KDM2A: variants seen among roughly 807,000 people sequenced by gnomAD.
The protein encoded by KDM2A is lysine-specific demethylase 2A.
KDM2A carries 3 observed loss-of-function variants against 137.3 expected under a neutral mutation model. That is an observed-to-expected ratio of 0.02 (90% confidence interval 0.01 to 0.06). The LOEUF (loss-of-function observed/expected upper bound fraction) is 0.06. Among genes scored for constraint, KDM2A ranks in the 10% least tolerant of loss-of-function variants. The pLI is 1.00. For synonymous variants in KDM2A, 512 were observed against 541.5 expected (o/e 0.95, Z 0.76); for missense variants, 738 against 1,510.6 (o/e 0.49, Z 8.48).
Position 67,254,931 on chromosome 11 carries a change from C to T in KDM2A, c.3365C>T (p.Thr1122Ile), listed in dbSNP as rs779620599. ...TACCTACGGCGCATTGCCAACGTCA[C>T]CTTGATCGACCTTCGAGGATGCAAG... is the stretch of plus-strand genomic sequence containing the variant. ...LIYLRRIANV[T>I]LIDLRGCKQI... Residue 1122 changes from threonine to isoleucine, a missense_variant, in exon 21 of 21, where the codon ACC (threonine) becomes ATC (isoleucine). Thr to Ile is a moderately conservative substitution (Grantham distance 89). Coordinates refer to ENST00000529006, the MANE Select transcript of KDM2A (RefSeq NM_012308.3). The surrounding 1 kb of genome is among the most constrained non-coding windows in gnomAD (Gnocchi z 4.7). The T allele has an allele frequency of 6.2e-7, 1 of 1,614,030 alleles. No homozygotes were observed.
At chr11:67,144,094 C>T (rs1283064528) in intron 2 of KDM2A, among the ~76,000 whole-genome samples, 3 of 151,336 alleles carry the variant, frequency 2.0e-5, no homozygotes, top group Admixed American at 6.6e-5. Flanking sequence ...AGGTGCTCTC[C>T]ACCACTCCTG....
intron 2 of KDM2A, among the ~76,000 whole-genome samples, chr11:67,149,526 A>T (rs1047357760): frequency 6.6e-6 from 1 of 152,062 alleles, no homozygotes; most frequent in Admixed American, 6.6e-5. Flanking sequence ...AATTTTACAG[A>T]TAAGGCTAAA....
Position 67,181,377 on chromosome 11 carries a change from A to C in KDM2A, c.239A>C (p.Asn80Thr), listed in dbSNP as rs775656106. 2 of 1,611,900 alleles carry C rather than the reference A, an allele frequency of 1.2e-6. No individual in the cohort carries two copies. Among genetic ancestry groups the C allele is most frequent in the Non-Finnish European group, 1.7e-6 (2 of 1,178,696 alleles). ...GGLRDPLIFK[N>T]SDGLGIKMPD... Reference sequence around the variant, plus strand: ...TTGAGAGATCCTCTGATTTTCAAGAATTCTGATGGACTCGGAATAAAGTAA... The same window carrying C: ...TTGAGAGATCCTCTGATTTTCAAGACTTCTGATGGACTCGGAATAAAGTAA... The change falls in exon 4 of 21, where the codon AAT (asparagine) becomes ACT (threonine). Residue 80 changes from asparagine to threonine, a missense_variant. Asn to Thr is a moderately conservative substitution (Grantham distance 65). Coordinates refer to ENST00000529006, the MANE Select transcript of KDM2A (RefSeq NM_012308.3).
chr11:67,196,379 A>G (rs567898310), intron 5 of KDM2A: 1 of 456,028 alleles, frequency 2.2e-6, no homozygotes, highest in Non-Finnish European at 4.4e-6. Flanking sequence ...GACTCAAGCG[A>G]TCTTCCTGCT....
intron 2 of KDM2A, among the ~76,000 whole-genome samples, chr11:67,170,885 A>G (rs1590745861): frequency 6.6e-6 from 1 of 152,278 alleles, no homozygotes; most frequent in East Asian, 1.9e-4. Context: ...TTTTTGTAGC[A>G]TAGAGTAGTG....
chr11:67,220,906 C>T (rs549030785), intron 10 of KDM2A, among the ~76,000 whole-genome samples: 3 of 151,248 alleles, frequency 2.0e-5, no homozygotes, highest in Admixed American at 6.6e-5. Context: ...ATGTAAAAAA[C>T]GATCCTTTTA....
intron 2 of KDM2A, among the ~76,000 whole-genome samples, chr11:67,128,332 A>G (rs2136281030): frequency 6.6e-6 from 1 of 151,772 alleles, no homozygotes; most frequent in South Asian, 2.1e-4. Flanking sequence ...TCCCACTCTG[A>G]GGTCTTTCTG....
intron 2 of KDM2A, among the ~76,000 whole-genome samples, chr11:67,169,248 C>T (rs541789463): frequency 1.3e-5 from 2 of 152,066 alleles, no homozygotes; most frequent in Admixed American, 1.3e-4. Context: ...GCCACTGCAC[C>T]CGGCCTAATC....
intron 2 of KDM2A, among the ~76,000 whole-genome samples, chr11:67,135,330 T>C (rs1855949368): frequency 6.6e-6 from 1 of 152,072 alleles, no homozygotes; most frequent in Non-Finnish European, 1.5e-5. Flanking sequence ...TCCAAAAGTG[T>C]TGGGATTACA....
At chr11:67,217,971 G>A in intron 9 of KDM2A, 87 bp downstream of exon 9, 1 of 1,157,048 alleles carries the variant, frequency 8.6e-7, no homozygotes, top group Non-Finnish European at 1.2e-6. Context: ...GAATAGTTAT[G>A]ATGCTGGGCG....
intron 2 of KDM2A, among the ~76,000 whole-genome samples, chr11:67,152,815 A>G (rs370369096): frequency 4.6e-5 from 7 of 151,744 alleles, no homozygotes; most frequent in African/African-American, 1.7e-4. Context: ...AAGTTATTTA[A>G]CTTTTGTAGA....
chr11:67,134,832 A>ACTGC (rs1855936610), intron 2 of KDM2A, among the ~76,000 whole-genome samples: 1 of 152,104 alleles, frequency 6.6e-6, no homozygotes, highest in South Asian at 2.1e-4. Context: ...CTAACACAAA[A>ACTGC]CATCTCAAAA....
At chr11:67,248,106 G>A (rs781540490) in intron 15 of KDM2A, among the ~76,000 whole-genome samples, 175 bp from the exon 16 acceptor site, 10 of 152,182 alleles carry the variant, frequency 6.6e-5, no homozygotes, top group Non-Finnish European at 1.2e-4. Flanking sequence ...AACCTGTGCC[G>A]CACTGTCAAG....
At chr11:67,167,854 T>C (rs1240003400) in intron 2 of KDM2A, among the ~76,000 whole-genome samples, 1 of 152,222 alleles carries the variant, frequency 6.6e-6, no homozygotes, top group Non-Finnish European at 1.5e-5. Context: ...GCCATGTTAA[T>C]TTATCACTGC....
chr11:67,231,547 T>G lies in KDM2A; in HGVS notation c.1085-19T>G. The G allele has an allele frequency of 1.9e-6, 3 of 1,563,092 alleles. No individual in the cohort carries two copies. The highest frequency in any genetic ancestry group is 2.6e-6 in the Non-Finnish European group (3 of 1,153,832). ...GCAGAGTGAAATGTTCTTACTGCAT[T>G]TTTTCTTCATATTGGTAGATTTGGA... On this transcript the variant is annotated intron_variant, in intron 11 of 20. Transcript: ENST00000529006.
intron 2 of KDM2A, among the ~76,000 whole-genome samples, chr11:67,146,790 A>G (rs972402638): frequency 2.6e-5 from 4 of 152,140 alleles, no homozygotes; most frequent in African/African-American, 4.8e-5. Flanking sequence ...TGCATGAGCC[A>G]CCGTGCCTGG....
intron 10 of KDM2A, among the ~76,000 whole-genome samples, chr11:67,225,684 C>T (rs1344825686): frequency 6.6e-5 from 10 of 152,080 alleles, no homozygotes; most frequent in African/African-American, 1.9e-4. Flanking sequence ...GCAGGAAAAT[C>T]GCTTGAACTC....
chr11:67,159,159 A>G (rs1385987702), intron 2 of KDM2A, among the ~76,000 whole-genome samples: 1 of 152,116 alleles, frequency 6.6e-6, no homozygotes, highest in Non-Finnish European at 1.5e-5. Flanking sequence ...ATTTTCATTT[A>G]GGCCTATGAT....
chr11:67,193,714 A>G (rs1857410791), intron 5 of KDM2A, among the ~76,000 whole-genome samples: 1 of 151,954 alleles, frequency 6.6e-6, no homozygotes, highest in Non-Finnish European at 1.5e-5. Context: ...TACAAAAATT[A>G]GCCAGGCATG....
Sources: allele counts gnomAD v4.1 joint callset (sites outside exome capture counted in the v4.1 genomes callset), GRCh38; gene constraint gnomAD v4.1.1; non-coding constraint Gnocchi (gnomAD v3.1); transcripts MANE v1.5; gene names NCBI Gene and HGNC (gene_info 2026-07-23, HGNC 2026-07-21).